Variants in LOXHD1 observed in about 807,000 individuals in gnomAD.
LOXHD1 encodes the protein lipoxygenase homology domain-containing protein 1.
LOXHD1 carries 205 observed loss-of-function variants against 248.2 expected under a neutral mutation model. The observed-to-expected ratio is 0.83, with a 90% CI of 0.74 to 0.93. The LOEUF (loss-of-function observed/expected upper bound fraction) is 0.93, where lower values mean the gene tolerates loss of function less well. Ranked by LOEUF, LOXHD1 falls within the 40% of genes least tolerant of loss-of-function variation. The pLI, the probability that LOXHD1 is intolerant of heterozygous loss-of-function variation, is 0.00. For synonymous variants in LOXHD1, 1,113 were observed against 1,162.8 expected (o/e 0.96, Z 0.87); for missense variants, 2,930 against 2,971.6 (o/e 0.99, Z 0.33).
intron 7 of LOXHD1, among the ~76,000 whole-genome samples, chr18:46,602,551 A>T (rs2038355633): frequency 6.6e-6 from 1 of 152,028 alleles, no homozygotes. Flanking sequence ...TTGTCACTTT[A>T]AGCCTTGTTA....
intron 4 of LOXHD1, among the ~76,000 whole-genome samples, chr18:46,618,693 T>C (rs1381109690): frequency 2.0e-5 from 3 of 152,216 alleles, no homozygotes; most frequent in Non-Finnish European, 4.4e-5. Flanking sequence ...CCCTGAACTA[T>C]TGAAATGTCT....
chr18:46,592,698 G>A, intron 10 of LOXHD1, 114 bp from the exon 11 acceptor site: 1 of 848,832 alleles, frequency 1.2e-6, no homozygotes, highest in South Asian at 1.6e-5. Flanking sequence ...TCAGCAGTGA[G>A]GATGGGTTTG....
At chr18:46,607,324 T>C (rs1423993103) in intron 6 of LOXHD1, among the ~76,000 whole-genome samples, 5 of 150,512 alleles carry the variant, frequency 3.3e-5, no homozygotes, top group African/African-American at 1.2e-4. Context: ...TATACACATA[T>C]ATGTGCATAT....
chr18:46,516,091 G>T (rs1439648385), intron 34 of LOXHD1, among the ~76,000 whole-genome samples: 1 of 152,204 alleles, frequency 6.6e-6, no homozygotes, highest in Admixed American at 6.5e-5. Flanking sequence ...GTTGTAGCAA[G>T]CTCTAAGTAG....
intron 4 of LOXHD1, among the ~76,000 whole-genome samples, chr18:46,618,605 C>T (rs975246331): frequency 1.3e-5 from 2 of 152,192 alleles, no homozygotes; most frequent in South Asian, 2.1e-4. Context: ...CTGTTTTTAT[C>T]TGCTAACATG....
chr18:46,625,200 G>A (rs1015540894), intron 4 of LOXHD1, among the ~76,000 whole-genome samples: 1 of 152,130 alleles, frequency 6.6e-6, no homozygotes, highest in Non-Finnish European at 1.5e-5. Flanking sequence ...TCTCTCAAAA[G>A]TTCCCACCTG....
chr18:46,578,432 G>GA (rs1228763004), intron 13 of LOXHD1, among the ~76,000 whole-genome samples: 1 of 152,190 alleles, frequency 6.6e-6, no homozygotes, highest in African/African-American at 2.4e-5. Flanking sequence ...AGGCTGGAGA[G>GA]AAAGGTGGGT....
intron 10 of LOXHD1, 26 bp downstream of exon 10, chr18:46,593,574 T>A (rs1180003990): frequency 3.9e-6 from 6 of 1,550,640 alleles, no homozygotes; most frequent in Middle Eastern, 1.7e-4. Context: ...CCTTTCTCCC[T>A]CCCATCCATC....
Position 46,507,609 on chromosome 18 carries a change from G to A in LOXHD1, c.5621C>T (p.Ala1874Val), listed in dbSNP as rs1300218172. The change falls in exon 36 of 41, where the codon GCC (alanine) becomes GTC (valine). Residue 1874 changes from alanine to valine, a missense_variant. Physicochemically the swap from Ala to Val is moderately conservative, Grantham distance 64. Coordinates refer to ENST00000642948, the MANE Select transcript of LOXHD1 (RefSeq NM_001384474.1). ...GKKTLVCEMCAVIDEEEMMEW... is the reference protein window; with the variant it reads ...GKKTLVCEMCVVIDEEEMMEW... ...CATCATTTCTTCCTCATCGATAACG[G>A]CACACATTTCACACACCAGGGTCTT... 1.3e-6 allele frequency: 2 copies of A among 1,551,734 alleles called. No homozygotes were observed. The highest frequency in any genetic ancestry group is 1.7e-6 in the Non-Finnish European group (2 of 1,147,010).
chr18:46,549,227 A>C (rs181968671), intron 21 of LOXHD1, among the ~76,000 whole-genome samples: 1 of 152,172 alleles, frequency 6.6e-6, no homozygotes. Flanking sequence ...AGCTCACCAC[A>C]CTCCTAAACA....
intron 6 of LOXHD1, among the ~76,000 whole-genome samples, chr18:46,610,399 G>A (rs755387141): frequency 9.2e-5 from 14 of 151,886 alleles, no homozygotes; most frequent in East Asian, 3.9e-4. Context: ...GGGGCCTGTC[G>A]GGGGCTGGGG....
At chr18:46,522,363 G>T in intron 31 of LOXHD1, 54 bp from the exon 32 acceptor site, 2 of 1,434,068 alleles carry the variant, frequency 1.4e-6, no homozygotes, top group Non-Finnish European at 1.9e-6. Context: ...ACAAGGCACT[G>T]CCTCATAGAC....
intron 38 of LOXHD1, among the ~76,000 whole-genome samples, chr18:46,486,704 C>T (rs187908229): frequency 2.8e-4 from 42 of 152,150 alleles, no homozygotes; most frequent in South Asian, 6.2e-4. Context: ...GAGGGAGGCA[C>T]GGAGCACTGG....
Position 46,618,127 on chromosome 18 carries a change from T to G in LOXHD1, c.610+65A>C, listed in dbSNP as rs2038615309. 4 of 1,224,492 alleles carry G rather than the reference T, an allele frequency of 3.3e-6. No homozygotes were observed. In the South Asian group the frequency reaches 4.1e-5, roughly 12 times the overall value. The allele number at this position is 1,224,492 out of a possible 1,614,324, so 75.9% of individuals were successfully genotyped here. A position where few individuals can be genotyped will look rare whatever the true frequency, so the allele number is the denominator to read the frequency against. On this transcript the variant is annotated intron_variant, in intron 5 of 40. Coordinates refer to ENST00000642948, the MANE Select transcript of LOXHD1 (RefSeq NM_001384474.1). Reference sequence around the variant, plus strand: ...AAGCTGCCTTCCTCTGCCAGGATTGTGGGAACCCCATCTACAAAATAGTCC... The same window carrying G: ...AAGCTGCCTTCCTCTGCCAGGATTGGGGGAACCCCATCTACAAAATAGTCC...
At chr18:46,595,205 T>C (rs1297218861) in intron 8 of LOXHD1, among the ~76,000 whole-genome samples, 1 of 152,230 alleles carries the variant, frequency 6.6e-6, no homozygotes, top group African/African-American at 2.4e-5. Flanking sequence ...GTAACTTCCT[T>C]AACTTGAATT....
At chr18:46,485,871 C>A (rs2033007145) in intron 38 of LOXHD1, among the ~76,000 whole-genome samples, 1 of 152,092 alleles carries the variant, frequency 6.6e-6, no homozygotes, top group Non-Finnish European at 1.5e-5. Context: ...CTTTCTCACT[C>A]CAGCCACTCT....
intron 12 of LOXHD1, among the ~76,000 whole-genome samples, chr18:46,588,269 T>C (rs970638143): frequency 1.3e-5 from 2 of 151,976 alleles, no homozygotes; most frequent in Admixed American, 1.3e-4. Flanking sequence ...AATTCAAGTT[T>C]GTTTGGGCTC....
At chr18:46,569,667 G>A (rs1355819547) in intron 15 of LOXHD1, 29 bp from the exon 16 acceptor site, 3 of 1,534,794 alleles carry the variant, frequency 2.0e-6, no homozygotes, top group East Asian at 2.5e-5. Flanking sequence ...AGGGAGGAAG[G>A]GAAGGGGTTA....
chr18:46,639,084 A>G (rs1286748296), intron 4 of LOXHD1, among the ~76,000 whole-genome samples: 1 of 152,162 alleles, frequency 6.6e-6, no homozygotes, highest in African/African-American at 2.4e-5. Context: ...AATTAAAATG[A>G]TCGAATTTAA....
Sources: allele counts gnomAD v4.1 joint callset (sites outside exome capture counted in the v4.1 genomes callset), GRCh38; gene constraint gnomAD v4.1.1; transcripts MANE v1.5; gene names NCBI Gene and HGNC (gene_info 2026-07-23, HGNC 2026-07-21).